Variants in DAGLA observed in about 807,000 individuals in gnomAD.
DAGLA encodes the protein diacylglycerol lipase-alpha.
Under a neutral mutation model 102.6 loss-of-function variants are expected in DAGLA, and 22 were observed. That is an observed-to-expected ratio of 0.21 (90% CI 0.15 to 0.31). DAGLA has a LOEUF of 0.31. DAGLA is among the 10% of genes least tolerant of loss of function. The pLI is 1.00. For missense variants in DAGLA, 927 were observed against 1,446.6 expected, an observed-to-expected ratio of 0.64 and a Z score of 5.83; for synonymous variants, 578 against 628.9, an observed-to-expected ratio of 0.92 and a Z score of 1.21.
intron 2 of DAGLA, among the ~76,000 whole-genome samples, 173 bp downstream of exon 2, chr11:61,720,423 G>A (rs1041795455): frequency 5.9e-5 from 9 of 152,190 alleles, no homozygotes; most frequent in Non-Finnish European, 1.3e-4. Context: ...TGACACCCCT[G>A]CTACCATTGC....
chr11:61,734,774 C>T lies in DAGLA; in HGVS notation c.975-75C>T. The T allele has an allele frequency of 1.7e-5, 25 of 1,465,840 alleles. No homozygotes were observed. Among genetic ancestry groups the T allele is most frequent in the Non-Finnish European group, 2.3e-5 (25 of 1,066,672 alleles). The allele number at this position is 1,465,840 out of a possible 1,614,324, so 90.8% of individuals were successfully genotyped here. ...GCTGAATGCCCAACTGGAACTGGTTCCAGGGACAGTGGCAGGAGACATTTG... is the reference window on the plus strand; with the variant it reads ...GCTGAATGCCCAACTGGAACTGGTTTCAGGGACAGTGGCAGGAGACATTTG... On this transcript the variant is annotated intron_variant, in intron 9 of 19. Transcript: ENST00000257215. The surrounding 1 kb of genome is among the most constrained non-coding windows in gnomAD (Gnocchi z 4.2).
chr11:61,728,815 G>GT, intron 7 of DAGLA, 116 bp from the exon 8 acceptor site: 1 of 832,126 alleles, frequency 1.2e-6, no homozygotes. Flanking sequence ...CTGCATGCTC[G>GT]TTTGGGCTTC....
rs1034817476 is a variant in DAGLA, at chr11:61,731,571, A to G, written c.974+130A>G. ...TTTTCTACACCTTCTCTGGGCCTCA[A>G]CCTTTCTAGTTCTGTGTTATCCCTG... On this transcript the variant is annotated intron_variant, in intron 9 of 19. Transcript: ENST00000257215. The G allele has an allele frequency of 1.8e-5, 23 of 1,256,668 alleles. No individual in the cohort carries two copies. The East Asian group carries it at 2.9e-4, about 16-fold the overall frequency. The allele number at this position is 1,256,668 out of a possible 1,614,324, so 77.8% of individuals were successfully genotyped here. A position where few individuals can be genotyped will look rare whatever the true frequency, so the allele number is the denominator to read the frequency against.
chr11:61,702,222 TTC>T (rs771001937), intron 1 of DAGLA, among the ~76,000 whole-genome samples: 1 of 151,784 alleles, frequency 6.6e-6, no homozygotes, highest in Admixed American at 6.6e-5. Context: ...CTCTCTCTCT[TTC>T]TCTCTCTCTC....
At chr11:61,728,116 C>T in intron 6 of DAGLA, 37 bp from the exon 7 acceptor site, 1 of 1,612,362 alleles carries the variant, frequency 6.2e-7, no homozygotes, top group Non-Finnish European at 8.5e-7. Flanking sequence ...CTCTCCTGCT[C>T]CCCTGCCACT....
In DAGLA at chr11:61,723,333, A is replaced by T. The variant is rs562234025; in HGVS notation, c.410-101A>T. 115 of 1,483,724 alleles carry T rather than the reference A, an allele frequency of 7.8e-5. No individual in the cohort carries two copies. In the African/African-American group the frequency reaches 1.3e-3, roughly 17 times the overall value. 91.9% of individuals were successfully genotyped at this position (1,483,724 alleles called of 1,614,324 possible). A position where few individuals can be genotyped will look rare whatever the true frequency, so the allele number is the denominator to read the frequency against. ...GAGCCTGGCTTTTGTCCCCAGAAGC[A>T]TTTGGGGTTAGGGAGGCTCCAATGT... On this transcript the variant is annotated intron_variant, in intron 4 of 19. Coordinates refer to ENST00000257215, the MANE Select transcript of DAGLA (RefSeq NM_006133.3).
chr11:61,729,110 A>C, intron 8 of DAGLA, 102 bp downstream of exon 8: 1 of 1,019,156 alleles, frequency 9.8e-7, no homozygotes, highest in Non-Finnish European at 1.5e-6. Context: ...AGTGCCAGCC[A>C]CATTGCCCCT....
chr11:61,721,718 TG>T (rs1462154173), intron 3 of DAGLA, among the ~76,000 whole-genome samples: 1 of 152,228 alleles, frequency 6.6e-6, no homozygotes, highest in Non-Finnish European at 1.5e-5. Flanking sequence ...CAGCCCCTTC[TG>T]GTCATTTGTA....
chr11:61,702,990 A>G (rs1426386737), intron 1 of DAGLA, among the ~76,000 whole-genome samples: 2 of 152,222 alleles, frequency 1.3e-5, no homozygotes, highest in Non-Finnish European at 2.9e-5. Context: ...AGTTCAGGAT[A>G]GGGCTTTGGA....
rs767005541 is a variant in DAGLA, at chr11:61,735,773, G to A, written c.1247G>A (p.Arg416His). 1.1e-5 allele frequency: 17 copies of A among 1,613,094 alleles called. No individual in the cohort carries two copies. The highest frequency in any genetic ancestry group is 1.3e-5 in the Non-Finnish European group (15 of 1,179,688). Residue 416 changes from arginine to histidine, a missense_variant, in exon 12 of 20, where the codon CGC becomes CAC. By Grantham distance (29) the Arg-to-His change is conservative. Around this residue, in one of 4 missense-constraint regions of DAGLA, gnomAD observed 218 missense variants for 459.6 expected, o/e 0.47. Transcript: ENST00000257215. The stretch of plus-strand genomic sequence containing the variant: ...ACTGACCTGACGGGTGATGCTGAGC[G>A]CCTCCCCGTGGAGGGGCACCACGGC... ...ALTDLTGDAE[R>H]LPVEGHHGTW...
rs958757766 is a variant in DAGLA, at chr11:61,745,188, C to T, written c.*699C>T. 6.5e-6 allele frequency: 1 copy of T among 153,138 alleles called. No homozygotes were observed. The highest frequency in any genetic ancestry group is 2.4e-5 in the African/African-American group (1 of 41,404). 9.5% of individuals were successfully genotyped at this position (153,138 alleles called of 1,614,324 possible). On this transcript the variant is annotated 3_prime_UTR_variant, in exon 20 of 20. Transcript: ENST00000257215. ...CTGCCTTGTGCCTCTCATGCTGCCT[C>T]CTCTGCCCATGGGTCCTGGGCACCC...
At chr11:61,727,064 G>A (rs529514303) in intron 6 of DAGLA, among the ~76,000 whole-genome samples, 13 of 152,356 alleles carry the variant, frequency 8.5e-5, no homozygotes, top group African/African-American at 2.9e-4. Context: ...AGCTGGGGCT[G>A]TTGTCAGAGT....
At position 61,720,763 on chromosome 11, in the gene DAGLA, C is replaced by T. The variant is rs777523166; in HGVS notation, c.180C>T (p.Arg60=). The T allele has an allele frequency of 1.1e-5, 17 of 1,613,858 alleles. No individual in the cohort carries two copies. Among genetic ancestry groups the T allele is most frequent in the Non-Finnish European group, 1.4e-5 (16 of 1,180,056 alleles). Reference sequence around the variant, plus strand: ...CCCTGAACCTGGTGGACCACGGCCGCGGCTACCTGGGCATCCTGCTGAGCT... The same window carrying T: ...CCCTGAACCTGGTGGACCACGGCCGTGGCTACCTGGGCATCCTGCTGAGCT... ...ACSLNLVDHG[R]GYLGILLSCM... The change falls in exon 3 of 20, where the codon CGC becomes CGT. Residue 60 remains arginine, a synonymous_variant. Coordinates refer to ENST00000257215, the MANE Select transcript of DAGLA (RefSeq NM_006133.3).
chr11:61,703,362 T>C (rs1430029174), intron 1 of DAGLA, among the ~76,000 whole-genome samples: 1 of 134,890 alleles, frequency 7.4e-6, no homozygotes, highest in Non-Finnish European at 1.5e-5. Context: ...ACCTAAGATT[T>C]GGCAGGCAGG....
chr11:61,740,884 T>C (rs559205988), intron 18 of DAGLA, among the ~76,000 whole-genome samples: 4 of 151,940 alleles, frequency 2.6e-5, no homozygotes, highest in African/African-American at 9.7e-5. Context: ...CCTTAACAGA[T>C]GAATGGGCAA....
chr11:61,734,787 C>T lies in DAGLA; in HGVS notation c.975-62C>T. Reference sequence around the variant, plus strand: ...CTGGAACTGGTTCCAGGGACAGTGGCAGGAGACATTTGTTCCCTCGGGGAC... The same window carrying T: ...CTGGAACTGGTTCCAGGGACAGTGGTAGGAGACATTTGTTCCCTCGGGGAC... On this transcript the variant is annotated intron_variant, in intron 9 of 19. Transcript: ENST00000257215. The surrounding 1 kb of genome is among the most constrained non-coding windows in gnomAD (Gnocchi z 4.2). 1 of 1,508,994 alleles carries T rather than the reference C, an allele frequency of 6.6e-7. No individual in the cohort carries two copies. The highest frequency in any genetic ancestry group is 9.1e-7 in the Non-Finnish European group (1 of 1,100,914). 93.5% of individuals were successfully genotyped at this position (1,508,994 alleles called of 1,614,324 possible).
chr11:61,700,696 T>G (rs927226502), intron 1 of DAGLA, among the ~76,000 whole-genome samples: 20 of 152,172 alleles, frequency 1.3e-4, no homozygotes, highest in Admixed American at 7.9e-4. Flanking sequence ...AGGAGCCGGG[T>G]GCCTCCCTCC....
chr11:61,742,385 T>C (rs2065488194), intron 19 of DAGLA, among the ~76,000 whole-genome samples: 1 of 152,150 alleles, frequency 6.6e-6, no homozygotes, highest in Admixed American at 6.5e-5. Flanking sequence ...TGGTCACAGA[T>C]CTGGTCAAGA....
chr11:61,718,216 A>C (rs1204076140), intron 1 of DAGLA, among the ~76,000 whole-genome samples: 2 of 152,056 alleles, frequency 1.3e-5, no homozygotes, highest in Non-Finnish European at 2.9e-5. Context: ...CTGGGACAGC[A>C]CTGCTCCCTC....
Sources: allele counts gnomAD v4.1 joint callset (sites outside exome capture counted in the v4.1 genomes callset), GRCh38; gene constraint gnomAD v4.1.1; regional missense constraint gnomAD v4.1.1; non-coding constraint Gnocchi (gnomAD v3.1); transcripts MANE v1.5; gene names NCBI Gene and HGNC (gene_info 2026-07-23, HGNC 2026-07-21).